RAB31: variants seen among roughly 807,000 people sequenced by gnomAD.
The protein encoded by RAB31 is ras-related protein Rab-31.
RAB31 carries 21 observed loss-of-function variants against 25.6 expected under a neutral mutation model. The ratio of observed to expected loss-of-function variants is 0.82; its 90% CI spans 0.58 to 1.18. The LOEUF (loss-of-function observed/expected upper bound fraction) is 1.18. Among genes scored for constraint, RAB31 ranks in the 50% most tolerant of loss-of-function variants. RAB31 has a pLI of 0.00. For missense variants in RAB31, 196 were observed against 250.1 expected (o/e 0.78, Z 1.46); for synonymous variants, 87 against 84.0 (o/e 1.04, Z -0.20).
intron 1 of RAB31, among the ~76,000 whole-genome samples, chr18:9,759,174 A>G (rs1014230781): frequency 3.3e-5 from 5 of 151,934 alleles, no homozygotes; most frequent in Admixed American, 1.3e-4. Context: ...ACATTTATCT[A>G]TACAGCGGGT....
chr18:9,798,085 A>G (rs1183229414), intron 3 of RAB31, among the ~76,000 whole-genome samples: 1 of 152,268 alleles, frequency 6.6e-6, no homozygotes, highest in Non-Finnish European at 1.5e-5. Context: ...AGAAATCACT[A>G]GCATTATACA....
chr18:9,783,927 C>T (rs757151067), intron 2 of RAB31, among the ~76,000 whole-genome samples: 8 of 152,104 alleles, frequency 5.3e-5, no homozygotes. Flanking sequence ...AGGAAAAGGC[C>T]ATCTCATACA....
intron 1 of RAB31, among the ~76,000 whole-genome samples, chr18:9,754,282 T>C (rs1172852808): frequency 6.6e-6 from 1 of 152,076 alleles, no homozygotes; most frequent in Non-Finnish European, 1.5e-5. Context: ...AGTACAGACT[T>C]TTTTCTCTTT....
At chr18:9,809,946 A>C (rs1360426943) in intron 3 of RAB31, among the ~76,000 whole-genome samples, 1 of 152,228 alleles carries the variant, frequency 6.6e-6, no homozygotes, top group Non-Finnish European at 1.5e-5. Context: ...AAAGCTGAGC[A>C]GCCGGAGAAG....
intron 5 of RAB31, among the ~76,000 whole-genome samples, chr18:9,816,565 A>G (rs1599051776): frequency 6.6e-6 from 1 of 152,178 alleles, no homozygotes; most frequent in Admixed American, 6.5e-5. Context: ...ACATAATCTC[A>G]CTATTTAGTT....
chr18:9,744,410 C>T (rs1482106400), intron 1 of RAB31, among the ~76,000 whole-genome samples: 1 of 152,208 alleles, frequency 6.6e-6, no homozygotes, highest in African/African-American at 2.4e-5. Context: ...TATACTTATG[C>T]TTCTCTGACT....
chr18:9,815,083 C>A (rs2068594113), intron 4 of RAB31, 33 bp from the exon 5 acceptor site: 1 of 1,413,244 alleles, frequency 7.1e-7, no homozygotes, highest in South Asian at 1.2e-5. Flanking sequence ...ATTGAGGGGT[C>A]TTTCTAATGA....
At chr18:9,769,696 G>A (rs867070485) in intron 1 of RAB31, among the ~76,000 whole-genome samples, 1 of 151,958 alleles carries the variant, frequency 6.6e-6, no homozygotes, top group Non-Finnish European at 1.5e-5. Context: ...CTCTTGCCTG[G>A]TTGCCCTGGC....
intron 1 of RAB31, among the ~76,000 whole-genome samples, chr18:9,733,768 A>C (rs1169399006): frequency 6.6e-6 from 1 of 152,030 alleles, no homozygotes; most frequent in Admixed American, 6.5e-5. Flanking sequence ...GTTGCCTGCA[A>C]ACCCTTGCCC....
chr18:9,774,791 C>T lies in RAB31; in HGVS notation c.40-487C>T, dbSNP rs2068363542. 6.0e-6 allele frequency: 3 copies of T among 502,328 alleles called. No homozygotes were observed. The Admixed American group carries it at 6.3e-5, about 11-fold the overall frequency. 31.1% of individuals were successfully genotyped at this position (502,328 alleles called of 1,614,324 possible). A position where few individuals can be genotyped will look rare whatever the true frequency, so the allele number is the denominator to read the frequency against. ...CAAAATTTGGAAGTTATTACCCAAC[C>T]ATCAGATTCTACAGAGAAAATGCTA... is the stretch of plus-strand genomic sequence containing the variant. On this transcript the variant is annotated intron_variant, in intron 1 of 6. Coordinates refer to ENST00000578921, the MANE Select transcript of RAB31 (RefSeq NM_006868.4).
At chr18:9,773,451 G>A (rs546889853) in intron 1 of RAB31, among the ~76,000 whole-genome samples, 18 of 152,180 alleles carry the variant, frequency 1.2e-4, no homozygotes, top group African/African-American at 4.3e-4. Flanking sequence ...ACGCCTCCAC[G>A]ATCCTTCCAG....
intron 3 of RAB31, among the ~76,000 whole-genome samples, chr18:9,808,419 G>A (rs77384475): frequency 0.018 from 2,749 of 152,224 alleles, 80 homozygotes; most frequent in African/African-American, 0.062. Context: ...GCATACACTC[G>A]GGTTTTAGGA....
intron 1 of RAB31, among the ~76,000 whole-genome samples, chr18:9,716,983 A>G (rs1428401933): frequency 2.1e-5 from 3 of 141,478 alleles, no homozygotes; most frequent in Non-Finnish European, 4.7e-5. Flanking sequence ...CTAGTCTTGA[A>G]TTCATGGGCT....
intron 2 of RAB31, among the ~76,000 whole-genome samples, chr18:9,780,340 T>C (rs1345642407): frequency 6.6e-6 from 1 of 152,128 alleles, no homozygotes; most frequent in Non-Finnish European, 1.5e-5. Flanking sequence ...CAAAAACATG[T>C]TGAAAGTATT....
intron 3 of RAB31, among the ~76,000 whole-genome samples, chr18:9,808,411 A>G (rs1459090415): frequency 3.9e-5 from 6 of 152,208 alleles, no homozygotes; most frequent in African/African-American, 1.4e-4. Flanking sequence ...TCAACTCTGC[A>G]TACACTCGGG....
intron 1 of RAB31, among the ~76,000 whole-genome samples, chr18:9,746,835 T>C (rs1317427502): frequency 1.3e-5 from 2 of 152,068 alleles, no homozygotes; most frequent in African/African-American, 4.8e-5. Context: ...AAACATAGAG[T>C]GAAATCTCCA....
chr18:9,784,399 T>A (rs181057721), intron 2 of RAB31, among the ~76,000 whole-genome samples: 2 of 152,222 alleles, frequency 1.3e-5, no homozygotes, highest in East Asian at 3.9e-4. Flanking sequence ...GATGTAATTA[T>A]AAGGATATTC....
intron 5 of RAB31, among the ~76,000 whole-genome samples, chr18:9,827,543 C>A (rs1335120778): frequency 9.9e-5 from 15 of 151,746 alleles, no homozygotes. Flanking sequence ...GCACTCTCGC[C>A]TCTTCTGAGG....
intron 2 of RAB31, chr18:9,787,277 T>C (rs553736742): frequency 4.3e-4 from 94 of 217,220 alleles, no homozygotes; most frequent in African/African-American, 2.0e-3. Context: ...ATGAAATGAG[T>C]GTGGCAAAAC....
Sources: gnomAD v4.1 joint callset for allele counts (sites outside exome capture counted in the v4.1 genomes callset) on GRCh38, gnomAD v4.1.1 for gene constraint, MANE v1.5 for transcripts, NCBI Gene and HGNC (gene_info 2026-07-23, HGNC 2026-07-21) for gene names.